SEC16A: variants seen among roughly 807,000 people sequenced by gnomAD.
The protein encoded by SEC16A is protein transport protein Sec16A.
A neutral mutation model predicts 221.9 loss-of-function variants in SEC16A; 110 were observed. The observed-to-expected ratio is 0.50, with a 90% CI of 0.42 to 0.58. The LOEUF (loss-of-function observed/expected upper bound fraction) is 0.58, where lower values mean the gene tolerates loss of function less well. Among genes scored for constraint, SEC16A ranks in the 20% least tolerant of loss-of-function variants. The pLI, the probability that SEC16A is intolerant of heterozygous loss-of-function variation, is 0.00. For synonymous variants in SEC16A, 1,393 were observed against 1,257.7 expected, an observed-to-expected ratio of 1.11 and a Z score of -2.28; for missense variants, 3,165 against 3,097.8, an observed-to-expected ratio of 1.02 and a Z score of -0.52.
intron 12 of SEC16A, among the ~76,000 whole-genome samples, chr9:136,462,187 ACT>A (rs1446783774): frequency 2.0e-5 from 3 of 152,102 alleles, no homozygotes; most frequent in African/African-American, 7.2e-5. Flanking sequence ...AGGACAGAAA[ACT>A]CTCAGCCTAT....
chr9:136,465,605 G>A (rs1225068393), intron 8 of SEC16A, among the ~76,000 whole-genome samples: 3 of 152,340 alleles, frequency 2.0e-5, no homozygotes, highest in Non-Finnish European at 2.9e-5. Context: ...CTGCAGGAGC[G>A]GAGTCTCCAA....
At position 136,477,476 on chromosome 9, in the gene SEC16A, G is replaced by A. The variant is rs535860907; in HGVS notation, c.140C>T (p.Pro47Leu). The change falls in exon 3 of 32, where the codon CCG becomes CTG. Residue 47 changes from proline to leucine, a missense_variant. By Grantham distance (98) the Pro-to-Leu change is moderately conservative. Around this residue, in one of 3 missense-constraint regions of SEC16A, gnomAD observed 2,030 missense variants for 1,923.1 expected, o/e 1.06. Coordinates refer to ENST00000684901, the MANE Select transcript of SEC16A (RefSeq NM_014866.2). ...NNAAVAPTTCPLQPVTDPFAF... is the reference protein window; with the variant it reads ...NNAAVAPTTCLLQPVTDPFAF... ...AAATGGATCCGTGACCGGCTGCAAC[G>A]GGCAAGTTGTCGGAGCCACTGCTGC... is the stretch of plus-strand genomic sequence containing the variant. The A allele has an allele frequency of 3.2e-5, 52 of 1,613,976 alleles. No homozygotes were observed. Among genetic ancestry groups the A allele is most frequent in the East Asian group, 2.9e-4 (13 of 44,886 alleles).
chr9:136,479,086 T>TTCAACAACAGGCAGAATTGCC lies in SEC16A; in HGVS notation c.-191-277_-191-257dup, dbSNP rs558182236. 2.1e-3 allele frequency among the ~76,000 whole-genome samples: 314 copies of TTCAACAACAGGCAGAATTGCC among 152,212 alleles called. 1 individual carries two copies. The highest frequency in any genetic ancestry group is 3.7e-3 in the Non-Finnish European group (255 of 68,012). ...AAGGCACAGACTGGATTCCAACACT[T>TTCAACAACAGGCAGAATTGCC]TCAACAACAGGCAGAATTGCCAAGA... On this transcript the variant is annotated intron_variant, in intron 1 of 31. Transcript: ENST00000684901.
In SEC16A at chr9:136,446,940, T is replaced by C; in HGVS notation, c.6707A>G (p.Glu2236Gly). 1 of 1,613,666 alleles carries C rather than the reference T, an allele frequency of 6.2e-7. No individual in the cohort carries two copies. Among genetic ancestry groups the C allele is most frequent in the East Asian group, 2.2e-5 (1 of 44,874 alleles). ...GCCAGTCCCGTCTGGAAGCTGTGGT[T>C]CTTCTGCATCTGGGGATGAGAGAGC... ...NLFVPTPDAE[E>G]PQLPDGTGRE... Residue 2236 changes from glutamate (E) to glycine (G), a missense_variant, in exon 28 of 32, where the codon GAA becomes GGA. Glu to Gly is a moderately conservative substitution (Grantham distance 98, BLOSUM62 -2). Around this residue, in one of 3 missense-constraint regions of SEC16A, gnomAD observed 1,088 missense variants for 1,089.6 expected, o/e 1.00. Transcript: ENST00000684901.
chr9:136,445,562 C>T (rs966476435), intron 29 of SEC16A, 83 bp downstream of exon 29: 2 of 1,018,416 alleles, frequency 2.0e-6, no homozygotes, highest in Non-Finnish European at 2.9e-6. Flanking sequence ...CAGTACCGCC[C>T]CTCCATAAAG....
At position 136,476,691 on chromosome 9, in the gene SEC16A, C is replaced by T. The variant is rs368605187; in HGVS notation, c.925G>A (p.Val309Met). ...AGCTCTGGGCTTGCCCAGTGATTCACAATTCTGGGATTTTGCCTGAATGTA... is the reference window on the plus strand; with the variant it reads ...AGCTCTGGGCTTGCCCAGTGATTCATAATTCTGGGATTTTGCCTGAATGTA... ...ESTFRQNPRI[V>M]NHWASPELRQ... The change falls in exon 3 of 32, where the codon GTG (valine) becomes ATG (methionine). Residue 309 changes from valine (V) to methionine (M), a missense_variant. Val to Met is a conservative substitution (Grantham distance 21, BLOSUM62 1). This residue lies in a region of SEC16A where 2,030 missense variants were observed against 1,923.1 expected (regional missense o/e 1.06). Transcript: ENST00000684901. 65 of 1,574,082 alleles carry T rather than the reference C, an allele frequency of 4.1e-5. No homozygotes were observed. Among genetic ancestry groups the T allele is most frequent in the Non-Finnish European group, 5.5e-5 (64 of 1,157,610 alleles).
chr9:136,462,902 C>T lies in SEC16A; in HGVS notation c.4878G>A (p.Leu1626=). ...GGAGGCGCACCTTCTTACGGCCATA[C>T]AGCAACAGCTCCCTGAACCTCTCGG... ...RETERFRELL[L]YGRKKDALES... Residue 1626 remains leucine, a synonymous_variant, in exon 12 of 32, where the codon CTG becomes CTA. Transcript: ENST00000684901. 1.9e-6 allele frequency: 3 copies of T among 1,601,350 alleles called. No homozygotes were observed. The highest frequency in any genetic ancestry group is 1.3e-5 in the African/African-American group (1 of 75,068).
rs758443281 is a variant in SEC16A, at chr9:136,474,782, C to T, written c.2834G>A (p.Arg945His). The change falls in exon 3 of 32, where the codon CGT (arginine) becomes CAT (histidine). Residue 945 changes from arginine to histidine, a missense_variant. This residue lies in a region of SEC16A where 2,030 missense variants were observed against 1,923.1 expected (regional missense o/e 1.06). Coordinates refer to ENST00000684901, the MANE Select transcript of SEC16A (RefSeq NM_014866.2). Reference sequence around the variant, plus strand: ...TCCGGGAAGAGCACTTCCTGCCTTACGATCCTTTTGACTTTCTGGAACCAA... The same window carrying T: ...TCCGGGAAGAGCACTTCCTGCCTTATGATCCTTTTGACTTTCTGGAACCAA... ...ENLVPESQKD[R>H]KAGSALPGFA... 1.1e-5 allele frequency: 17 copies of T among 1,613,844 alleles called. No homozygotes were observed. The highest frequency in any genetic ancestry group is 9.9e-5 in the South Asian group (9 of 91,090).
In SEC16A at chr9:136,459,048, A is replaced by G. The variant is rs986657054; in HGVS notation, c.5409+86T>C. On this transcript the variant is annotated intron_variant, in intron 17 of 31. Transcript: ENST00000684901. The surrounding 1 kb of genome is among the most constrained non-coding windows in gnomAD (Gnocchi z 6.1). ...ACTCACATCATTTTTTTCGATACCA[A>G]TTCAAACAATCTAAGTAGCCAAAAG... The G allele has an allele frequency of 2.2e-6, 2 of 927,880 alleles. No individual in the cohort carries two copies. Among genetic ancestry groups the G allele is most frequent in the Non-Finnish European group, 1.6e-6 (1 of 624,646 alleles). 57.5% of individuals were successfully genotyped at this position (927,880 alleles called of 1,614,324 possible).
upstream of SEC16A, chr9:136,483,398 C>T (rs2133246223): frequency 1.5e-6 from 1 of 682,060 alleles, no homozygotes; most frequent in South Asian, 6.7e-5. Context: ...CCCCGCCCGT[C>T]GTCCGTCTTT....
Position 136,476,034 on chromosome 9 carries a change from T to C in SEC16A, c.1582A>G (p.Arg528Gly), listed in dbSNP as rs1374981102. 3 of 1,613,454 alleles carry C rather than the reference T, an allele frequency of 1.9e-6. No homozygotes were observed. The highest frequency in any genetic ancestry group is 2.7e-5 in the African/African-American group (2 of 75,008). Residue 528 changes from arginine (R) to glycine (G), a missense_variant, in exon 3 of 32, where the codon AGA becomes GGA. Physicochemically the swap from Arg to Gly is moderately radical, Grantham distance 125. This residue lies in a region of SEC16A where 2,030 missense variants were observed against 1,923.1 expected (regional missense o/e 1.06). Transcript: ENST00000684901. ...PDSVSSSYSS[R>G]SHGRLSGSAR... ...GAGCCTGAGAGCCTTCCGTGGCTTC[T>C]GCTGCTATAGCTGGATGACACGCTG...
chr9:136,464,182 T>C lies in SEC16A; in HGVS notation c.4446+238A>G, dbSNP rs544874331. Among the ~76,000 whole-genome samples, 8 of 148,722 alleles carry C rather than the reference T, an allele frequency of 5.4e-5. No individual in the cohort carries two copies. In the East Asian group the frequency reaches 1.0e-3, roughly 19 times the overall value. On this transcript the variant is annotated intron_variant, in intron 9 of 31. Transcript: ENST00000684901. ...CCCCAAAACGAGGACAGAAAATGCA[T>C]ATACAATCAAACCACGTTGAACACC... is the stretch of plus-strand genomic sequence containing the variant.
At chr9:136,480,971 C>T (rs1842247292) in intron 1 of SEC16A, among the ~76,000 whole-genome samples, 1 of 152,104 alleles carries the variant, frequency 6.6e-6, no homozygotes, top group Non-Finnish European at 1.5e-5. Flanking sequence ...GCATTCCAAC[C>T]TTCATGCTCC....
chr9:136,477,463 G>A lies in SEC16A; in HGVS notation c.153C>T (p.Val51=), dbSNP rs747916711. 2.5e-6 allele frequency: 4 copies of A among 1,613,902 alleles called. No individual in the cohort carries two copies. Among genetic ancestry groups the A allele is most frequent in the African/African-American group, 2.7e-5 (2 of 74,928 alleles). Residue 51 remains valine (V), a synonymous_variant, in exon 3 of 32, where the codon GTC becomes GTT. Transcript: ENST00000684901. ...VAPTTCPLQP[V]TDPFAFSRQA... ...GTCTACTAAAAGCAAATGGATCCGT[G>A]ACCGGCTGCAACGGGCAAGTTGTCG... is the stretch of plus-strand genomic sequence containing the variant.
At chr9:136,449,094 C>T (rs1439384308) in intron 23 of SEC16A, among the ~76,000 whole-genome samples, 1 of 152,244 alleles carries the variant, frequency 6.6e-6, no homozygotes, top group Non-Finnish European at 1.5e-5. Flanking sequence ...CGTCTAAACA[C>T]TGACAAAGCT....
chr9:136,454,897 G>A (rs1435384782), intron 20 of SEC16A, among the ~76,000 whole-genome samples: 1 of 152,254 alleles, frequency 6.6e-6, no homozygotes, highest in Non-Finnish European at 1.5e-5. Flanking sequence ...CAGGCAGGGA[G>A]GGTGGGCAGT....
chr9:136,457,337 C>T (rs888974784), intron 18 of SEC16A, 107 bp downstream of exon 18: 2 of 1,293,782 alleles, frequency 1.5e-6, no homozygotes, highest in Non-Finnish European at 2.1e-6. Flanking sequence ...GAGCGCCTAC[C>T]ACAATGCGCG....
chr9:136,451,458 C>A, intron 22 of SEC16A, 50 bp from the exon 23 acceptor site: 4 of 1,531,288 alleles, frequency 2.6e-6, no homozygotes, highest in South Asian at 2.6e-5. Flanking sequence ...CTCACAGGAA[C>A]CGAAAGAGAG....
In SEC16A at chr9:136,464,412, G is replaced by A; in HGVS notation, c.4446+8C>T. 1 of 1,599,230 alleles carries A rather than the reference G, an allele frequency of 6.3e-7. No individual in the cohort carries two copies. The highest frequency in any genetic ancestry group is 1.1e-5 in the South Asian group (1 of 90,660). ...GCAGTGACGCCACGCTTCTGCGTGT[G>A]CCATTACCTCCATGCTGTGGACCTC... On this transcript the variant is annotated splice_region_variant and intron_variant, in intron 9 of 31. Coordinates refer to ENST00000684901, the MANE Select transcript of SEC16A (RefSeq NM_014866.2).
Sources: allele counts gnomAD v4.1 joint callset (sites outside exome capture counted in the v4.1 genomes callset), GRCh38; gene constraint gnomAD v4.1.1; regional missense constraint gnomAD v4.1.1; non-coding constraint Gnocchi (gnomAD v3.1); transcripts MANE v1.5; gene names NCBI Gene and HGNC (gene_info 2026-07-23, HGNC 2026-07-21).